The following THUMPD2 variants were observed in gnomAD, a reference collection of about 807,000 sequenced individuals.
THUMPD2 encodes the protein U6 snRNA (guanine-N(2))-methyltransferase THUMPD2.
A neutral mutation model predicts 49.4 loss-of-function variants in THUMPD2; 56 were observed. The ratio of observed to expected loss-of-function variants is 1.13; its 90% CI spans 0.91 to 1.41. The LOEUF (loss-of-function observed/expected upper bound fraction) is 1.41. Ranked by LOEUF, THUMPD2 falls within the 40% of genes most tolerant of loss-of-function variation. The pLI is 0.00. For synonymous variants in THUMPD2, 237 were observed against 205.2 expected, an observed-to-expected ratio of 1.15 and a Z score of -1.32; for missense variants, 709 against 594.5, an observed-to-expected ratio of 1.19 and a Z score of -2.00.
At chr2:39,742,554 A>G (rs1309353339) in intron 9 of THUMPD2, among the ~76,000 whole-genome samples, 2 of 152,220 alleles carry the variant, frequency 1.3e-5, no homozygotes, top group Admixed American at 6.5e-5. Flanking sequence ...AATATGCAGC[A>G]TTAGATTTTC....
intron 8 of THUMPD2, among the ~76,000 whole-genome samples, chr2:39,750,177 T>C (rs964924094): frequency 6.6e-6 from 1 of 152,214 alleles, no homozygotes; most frequent in Non-Finnish European, 1.5e-5. Context: ...ATCACCACAC[T>C]GTCTTCCCAA....
At chr2:39,747,490 C>T (rs1359158553) in intron 8 of THUMPD2, among the ~76,000 whole-genome samples, 2 of 152,014 alleles carry the variant, frequency 1.3e-5, no homozygotes, top group African/African-American at 4.8e-5. Flanking sequence ...AGTTTATAGT[C>T]CAAATGAACA....
chr2:39,752,938 C>A (rs536635212), intron 8 of THUMPD2, among the ~76,000 whole-genome samples: 27 of 152,246 alleles, frequency 1.8e-4, no homozygotes, highest in Non-Finnish European at 4.4e-5. Flanking sequence ...GAAGTGCATG[C>A]CCAACCACTC....
chr2:39,776,832 A>C (rs2148363791), intron 1 of THUMPD2, among the ~76,000 whole-genome samples: 1 of 152,358 alleles, frequency 6.6e-6, no homozygotes, highest in Admixed American at 6.5e-5. Context: ...TTCATGTTAA[A>C]ATGGTAGCAC....
intron 1 of THUMPD2, among the ~76,000 whole-genome samples, chr2:39,776,666 C>T (rs1270199369): frequency 6.6e-6 from 1 of 152,180 alleles, no homozygotes; most frequent in Non-Finnish European, 1.5e-5. Context: ...GCTGGGATTA[C>T]AGGCATGAGC....
In THUMPD2 at chr2:39,744,374, C is replaced by A; in HGVS notation, c.1183G>T (p.Glu395Ter). ...AAAATAAATTCAACAACTTACCTTT[C>A]CATTTCTTGTAGAATGCTTTTGATG... ...KDIKSILQEMERVLHVGGTIV... is the reference protein window; with the variant it reads ...KDIKSILQEM Residue 395 changes from glutamate to a stop codon, truncating the protein, a stop_gained, in exon 9 of 10, where the codon GAA becomes TAA. Coordinates refer to ENST00000505747, the MANE Select transcript of THUMPD2 (RefSeq NM_025264.5). LOFTEE classifies it low-confidence loss of function (END_TRUNC). The A allele has an allele frequency of 3.9e-6, 6 of 1,554,362 alleles. No individual in the cohort carries two copies. The highest frequency in any genetic ancestry group is 5.2e-6 in the Non-Finnish European group (6 of 1,151,220).
At chr2:39,742,176 A>G (rs1368447207) in intron 9 of THUMPD2, among the ~76,000 whole-genome samples, 1 of 152,184 alleles carries the variant, frequency 6.6e-6, no homozygotes, top group Non-Finnish European at 1.5e-5. Flanking sequence ...CACTGCCTGT[A>G]TAAAACTTCA....
intron 9 of THUMPD2, among the ~76,000 whole-genome samples, chr2:39,743,843 A>G (rs1674231365): frequency 6.6e-6 from 1 of 152,250 alleles, no homozygotes; most frequent in Non-Finnish European, 1.5e-5. Flanking sequence ...TCTAGCCTCC[A>G]GTATTCCTTC....
At chr2:39,740,844 T>C (rs2148167957) in intron 9 of THUMPD2, among the ~76,000 whole-genome samples, 1 of 152,192 alleles carries the variant, frequency 6.6e-6, no homozygotes, top group South Asian at 2.1e-4. Context: ...GTAGTGGGAC[T>C]GAAGGTGCAT....
chr2:39,736,653 C>CT lies in THUMPD2; in HGVS notation c.*81dup. 1 of 1,291,264 alleles carries CT rather than the reference C, an allele frequency of 7.7e-7. No homozygotes were observed. The highest frequency in any genetic ancestry group is 2.5e-5 in the East Asian group (1 of 39,572). 80.0% of individuals were successfully genotyped at this position (1,291,264 alleles called of 1,614,324 possible). ...TTGGTTACTTGGAGCTCTGTGGGTG[C>CT]TATATGAATCCTAGAGACAGCAAAC... is the stretch of plus-strand genomic sequence containing the variant. On this transcript the variant is annotated 3_prime_UTR_variant, in exon 10 of 10. Coordinates refer to ENST00000505747, the MANE Select transcript of THUMPD2 (RefSeq NM_025264.5).
intron 9 of THUMPD2, among the ~76,000 whole-genome samples, chr2:39,741,873 G>A (rs999991533): frequency 6.6e-6 from 1 of 152,084 alleles, no homozygotes; most frequent in Non-Finnish European, 1.5e-5. Flanking sequence ...TAAAAATTAT[G>A]TGTACTCCGA....
chr2:39,746,735 C>T (rs373127413), intron 8 of THUMPD2, among the ~76,000 whole-genome samples: 1 of 152,104 alleles, frequency 6.6e-6, no homozygotes, highest in East Asian at 1.9e-4. Context: ...TTTCCTAAAA[C>T]TCAGGACTAT....
At chr2:39,758,148 A>C (rs987427324) in intron 6 of THUMPD2, among the ~76,000 whole-genome samples, 1 of 152,224 alleles carries the variant, frequency 6.6e-6, no homozygotes, top group Non-Finnish European at 1.5e-5. Context: ...TATTAAAACA[A>C]AGGTAACATT....
intron 1 of THUMPD2, among the ~76,000 whole-genome samples, chr2:39,771,842 C>G (rs1383218015): frequency 6.6e-6 from 1 of 152,078 alleles, no homozygotes; most frequent in African/African-American, 2.4e-5. Context: ...GATTCGATCA[C>G]CACCAAAAGT....
intron 8 of THUMPD2, among the ~76,000 whole-genome samples, chr2:39,753,867 G>A (rs551122390): frequency 1.3e-5 from 2 of 152,246 alleles, no homozygotes; most frequent in African/African-American, 4.8e-5. Flanking sequence ...TAGTCTCTCT[G>A]TTACTGTCCT....
intron 9 of THUMPD2, among the ~76,000 whole-genome samples, chr2:39,743,816 CTT>C (rs1674228225): frequency 6.6e-6 from 1 of 152,220 alleles, no homozygotes; most frequent in African/African-American, 2.4e-5. Context: ...AAGTAAACCT[CTT>C]TTCTTTACAA....
chr2:39,761,585 C>T (rs1175347940), intron 5 of THUMPD2, among the ~76,000 whole-genome samples, 167 bp from the exon 6 acceptor site: 1 of 152,180 alleles, frequency 6.6e-6, no homozygotes, highest in Non-Finnish European at 1.5e-5. Flanking sequence ...AATTGCTTCT[C>T]TAATGGGCAC....
chr2:39,775,981 G>T (rs953401989), intron 1 of THUMPD2, among the ~76,000 whole-genome samples: 22 of 152,232 alleles, frequency 1.4e-4, no homozygotes, highest in Admixed American at 5.2e-4. Context: ...TGTTTGATAT[G>T]TGAGTTTATA....
At position 39,779,227 on chromosome 2, in the gene THUMPD2, G is replaced by C; in HGVS notation, c.13C>G (p.Arg5Gly). ...TCAGGCCCGGACCCTGGCTCTCCACGCGCCTCCGACATGGCGGCTCAGGCG... is the reference window on the plus strand; with the variant it reads ...TCAGGCCCGGACCCTGGCTCTCCACCCGCCTCCGACATGGCGGCTCAGGCG... Reference protein sequence around the residue: MSEARGEPGSGPEAG... With the variant: MSEAGGEPGSGPEAG... The change falls in exon 1 of 10, where the codon CGT becomes GGT. Residue 5 changes from arginine to glycine, a missense_variant. Physicochemically the swap from Arg to Gly is moderately radical, Grantham distance 125. Transcript: ENST00000505747. 1 of 1,496,886 alleles carries C rather than the reference G, an allele frequency of 6.7e-7. No homozygotes were observed. 92.7% of individuals were successfully genotyped at this position (1,496,886 alleles called of 1,614,324 possible).
Sources: allele counts gnomAD v4.1 joint callset (sites outside exome capture counted in the v4.1 genomes callset), GRCh38; gene constraint gnomAD v4.1.1; transcripts MANE v1.5; gene names NCBI Gene and HGNC (gene_info 2026-07-23, HGNC 2026-07-21).